The following ATP11B variants were observed in gnomAD, a reference collection of about 807,000 sequenced individuals.
ATP11B encodes ATPase phospholipid transporting 11B (putative).
Under a neutral mutation model 157.8 loss-of-function variants are expected in ATP11B, and 81 were observed. The observed-to-expected ratio is 0.51, with a 90% CI of 0.43 to 0.62. The LOEUF (loss-of-function observed/expected upper bound fraction) is 0.62, where lower values mean the gene tolerates loss of function less well. Among genes scored for constraint, ATP11B ranks in the 20% least tolerant of loss-of-function variants. ATP11B has a pLI of 0.00. For synonymous variants in ATP11B, 451 were observed against 469.4 expected, an observed-to-expected ratio of 0.96 and a Z score of 0.51; for missense variants, 1,165 against 1,402.2, an observed-to-expected ratio of 0.83 and a Z score of 2.70.
chr3:182,902,632 A>T, intron 28 of ATP11B: 1 of 1,000,264 alleles, frequency 1.0e-6, no homozygotes, highest in Non-Finnish European at 1.3e-6. Flanking sequence ...AACAATATCA[A>T]AAGATGGGCA....
At chr3:182,853,411 G>A (rs1029055936) in intron 10 of ATP11B, among the ~76,000 whole-genome samples, 1 of 152,094 alleles carries the variant, frequency 6.6e-6, no homozygotes, top group African/African-American at 2.4e-5. Flanking sequence ...GTTTCACCAT[G>A]TTGGCCAGGA....
intron 29 of ATP11B, chr3:182,916,458 T>C (rs1725147646): frequency 1.0e-6 from 1 of 985,374 alleles, no homozygotes; most frequent in Non-Finnish European, 1.2e-6. Context: ...ATTTTATTAA[T>C]TGATGTTGTC....
intron 27 of ATP11B, 98 bp downstream of exon 27, chr3:182,897,504 T>A: frequency 1.2e-6 from 1 of 839,912 alleles, no homozygotes; most frequent in Non-Finnish European, 1.8e-6. Context: ...CATAACAGAT[T>A]TCAGACTCCT....
At chr3:182,916,200 G>C in intron 29 of ATP11B, 2 of 985,286 alleles carry the variant, frequency 2.0e-6, no homozygotes. Flanking sequence ...TTTGTGAAAT[G>C]TGTTGGGCAT....
rs975615737 is a variant in ATP11B, at chr3:182,814,004, G to A, written c.28-6256G>A. Among the ~76,000 whole-genome samples, 4 of 152,276 alleles carry A rather than the reference G, an allele frequency of 2.6e-5. 1 individual carries two copies. Among genetic ancestry groups the A allele is most frequent in the Admixed American group, 1.3e-4 (2 of 15,294 alleles). On this transcript the variant is annotated intron_variant, in intron 1 of 29. Coordinates refer to ENST00000323116, the MANE Select transcript of ATP11B (RefSeq NM_014616.3). ...GCCTCCCAAAGTGGTGGGATTACAT[G>A]TGTGAGCCACCACGCCTGACTGACA...
rs1388542654 is a variant in ATP11B, at chr3:182,918,638, T to C, written c.*534T>C. 5.9e-6 allele frequency: 2 copies of C among 341,488 alleles called. No homozygotes were observed. Among genetic ancestry groups the C allele is most frequent in the East Asian group, 8.7e-5 (2 of 22,868 alleles). The allele number at this position is 341,488 out of a possible 1,614,324, so 21.2% of individuals were successfully genotyped here. On this transcript the variant is annotated 3_prime_UTR_variant, in exon 30 of 30. Transcript: ENST00000323116. The stretch of plus-strand genomic sequence containing the variant: ...CTCAGTGACCTGTGTTGTTAATTCA[T>C]TAATGCATTCTGAGTTCACAGAGCA...
At chr3:182,875,372 A>G (rs1480690019) in intron 19 of ATP11B, among the ~76,000 whole-genome samples, 1 of 152,202 alleles carries the variant, frequency 6.6e-6, no homozygotes, top group South Asian at 2.1e-4. Context: ...TCATCTTTTT[A>G]AAACCTATTT....
intron 28 of ATP11B, among the ~76,000 whole-genome samples, chr3:182,905,260 A>C (rs1724264498): frequency 6.6e-6 from 1 of 152,216 alleles, no homozygotes; most frequent in Non-Finnish European, 1.5e-5. Flanking sequence ...CTCTAATACA[A>C]ATACAGAAAA....
chr3:182,849,707 T>C (rs1378881707), intron 10 of ATP11B, among the ~76,000 whole-genome samples: 1 of 151,874 alleles, frequency 6.6e-6, no homozygotes, highest in African/African-American at 2.4e-5. Flanking sequence ...AGTCGAAGAA[T>C]GGAGAGGAAA....
chr3:182,843,954 A>C (rs1253800980), intron 8 of ATP11B: 1 of 152,212 alleles, frequency 6.6e-6, no homozygotes, highest in Non-Finnish European at 1.5e-5. Context: ...ATCCCTGCTG[A>C]ATAACTATGC....
intron 3 of ATP11B, 65 bp from the exon 4 acceptor site, chr3:182,829,607 A>T (rs1220100686): frequency 2.8e-6 from 3 of 1,089,774 alleles, no homozygotes; most frequent in Non-Finnish European, 4.0e-6. Context: ...GAAATTTTAG[A>T]TGTTAATAGT....
At chr3:182,817,722 A>G (rs559245173) in intron 1 of ATP11B, among the ~76,000 whole-genome samples, 5 of 152,138 alleles carry the variant, frequency 3.3e-5, no homozygotes, top group Non-Finnish European at 4.4e-5. Flanking sequence ...AAGTATGTGC[A>G]TTTATATGTT....
chr3:182,914,070 T>C (rs1724984139), intron 29 of ATP11B, 76 bp downstream of exon 29: 3 of 1,577,704 alleles, frequency 1.9e-6, no homozygotes, highest in South Asian at 2.3e-5. Flanking sequence ...CCGCTCTAGA[T>C]ACCTAATAAA....
intron 4 of ATP11B, among the ~76,000 whole-genome samples, chr3:182,830,777 C>A (rs1009423075): frequency 1.3e-5 from 2 of 152,182 alleles, no homozygotes; most frequent in African/African-American, 4.8e-5. Context: ...TATGCATCTA[C>A]ATGTCAGAGA....
In ATP11B at chr3:182,805,918, GT is replaced by G. The variant is rs576645772; in HGVS notation, c.27+12138del. On this transcript the variant is annotated intron_variant, in intron 1 of 29. Coordinates refer to ENST00000323116, the MANE Select transcript of ATP11B (RefSeq NM_014616.3). The stretch of plus-strand genomic sequence containing the variant: ...AGTCCTACTTCTTTTTAAACTCAAT[GT>G]TTTTTAGCATTAGTTTTTAATTAAT... 7.2e-5 allele frequency among the ~76,000 whole-genome samples: 11 copies of G among 152,196 alleles called. No homozygotes were observed. The South Asian group carries it at 2.3e-3, about 32-fold the overall frequency.
At chr3:182,874,679 C>T (rs1721905042) in intron 19 of ATP11B, among the ~76,000 whole-genome samples, 1 of 152,166 alleles carries the variant, frequency 6.6e-6, no homozygotes, top group East Asian at 1.9e-4. Context: ...GTAAAAATCT[C>T]GTTACAGATG....
intron 10 of ATP11B, among the ~76,000 whole-genome samples, chr3:182,852,933 C>T (rs527534953): frequency 6.6e-6 from 1 of 152,276 alleles, no homozygotes; most frequent in East Asian, 1.9e-4. Flanking sequence ...TTTAAAAATA[C>T]AAGCCATAGA....
chr3:182,845,043 C>T (rs1025116095), intron 8 of ATP11B, among the ~76,000 whole-genome samples: 4 of 137,482 alleles, frequency 2.9e-5, no homozygotes, highest in South Asian at 2.3e-4. Context: ...TCACTCTTGT[C>T]ACCCAGGCTG....
intron 1 of ATP11B, among the ~76,000 whole-genome samples, chr3:182,805,149 C>G (rs568123656): frequency 1.3e-5 from 2 of 152,166 alleles, no homozygotes; most frequent in Non-Finnish European, 2.9e-5. Context: ...AAAGAGTAGA[C>G]TTTTATTGGG....
Sources: allele counts gnomAD v4.1 joint callset (sites outside exome capture counted in the v4.1 genomes callset), GRCh38; gene constraint gnomAD v4.1.1; transcripts MANE v1.5; gene names NCBI Gene and HGNC (gene_info 2026-07-23, HGNC 2026-07-21).